LRBA: variants seen among roughly 807,000 people sequenced by gnomAD.
LRBA encodes LPS responsive beige-like anchor protein.
A neutral mutation model predicts 330.0 loss-of-function variants in LRBA; 176 were observed. That is an observed-to-expected ratio of 0.53 (90% CI 0.47 to 0.60). The LOEUF (loss-of-function observed/expected upper bound fraction) is 0.60, where lower values mean the gene tolerates loss of function less well. Among genes scored for constraint, LRBA ranks in the 20% least tolerant of loss-of-function variants. The pLI is 0.00. For synonymous variants in LRBA, 1,230 were observed against 1,193.0 expected (o/e 1.03, Z -0.64); for missense variants, 3,259 against 3,444.8 (o/e 0.95, Z 1.35).
At chr4:150,571,653 T>G (rs1212975908) in intron 40 of LRBA, among the ~76,000 whole-genome samples, 45 of 134,718 alleles carry the variant, frequency 3.3e-4, no homozygotes, top group African/African-American at 1.2e-3. Context: ...TTAGTTGTTT[T>G]TTTTTTTTTT....
At position 150,641,589 on chromosome 4, in the gene LRBA, T is replaced by C. The variant is rs1033351375; in HGVS notation, c.5921+41962A>G. Reference sequence around the variant, plus strand: ...TAAGGTTTCATTTGCCTATTTTCTTTTTTTTCTTTGCAGCAAAAAGATTAA... The same window carrying C: ...TAAGGTTTCATTTGCCTATTTTCTTCTTTTTCTTTGCAGCAAAAAGATTAA... On this transcript the variant is annotated intron_variant, in intron 37 of 56. Coordinates refer to ENST00000651943, the MANE Select transcript of LRBA (RefSeq NM_001364905.1). Among the ~76,000 whole-genome samples the C allele has an allele frequency of 2.6e-5, 4 of 152,174 alleles. No individual in the cohort carries two copies. In the South Asian group the frequency reaches 6.2e-4, roughly 24 times the overall value.
chr4:150,442,345 G>A (rs1431859473), intron 44 of LRBA, among the ~76,000 whole-genome samples: 1 of 152,166 alleles, frequency 6.6e-6, no homozygotes, highest in Non-Finnish European at 1.5e-5. Context: ...GCTTGAAAAT[G>A]CTTAAGCATA....
At chr4:150,625,030 T>G (rs947042177) in intron 37 of LRBA, among the ~76,000 whole-genome samples, 3 of 152,116 alleles carry the variant, frequency 2.0e-5, no homozygotes, top group African/African-American at 7.2e-5. Flanking sequence ...AACTAGAAAA[T>G]AGGTTTTTGG....
intron 37 of LRBA, among the ~76,000 whole-genome samples, chr4:150,655,185 T>C (rs1169014968): frequency 6.6e-6 from 1 of 152,210 alleles, no homozygotes. Context: ...TAGGTTAAAC[T>C]TTCCATTTTA....
At chr4:150,819,058 T>C (rs1745034255) in intron 30 of LRBA, among the ~76,000 whole-genome samples, 2 of 152,014 alleles carry the variant, frequency 1.3e-5, no homozygotes, top group South Asian at 4.1e-4. Context: ...GCTTCTAGAA[T>C]GGAATATTAT....
chr4:150,475,256 G>A (rs1371920524), intron 42 of LRBA, among the ~76,000 whole-genome samples: 1 of 152,116 alleles, frequency 6.6e-6, no homozygotes, highest in East Asian at 1.9e-4. Context: ...TTCCTGTAAT[G>A]TCTTTGTCTG....
At chr4:150,932,573 C>T (rs1371806662) in intron 2 of LRBA, among the ~76,000 whole-genome samples, 1 of 152,120 alleles carries the variant, frequency 6.6e-6, no homozygotes, top group Admixed American at 6.6e-5. Flanking sequence ...GAAACAGGTA[C>T]TGTCATACAT....
intron 2 of LRBA, 67 bp downstream of exon 2, chr4:151,014,360 A>C: frequency 7.5e-7 from 1 of 1,336,212 alleles, no homozygotes; most frequent in Admixed American, 1.9e-5. Flanking sequence ...ACATGGCTCC[A>C]GCTTTAAGAT....
At chr4:150,478,954 G>T (rs1340178727) in intron 42 of LRBA, among the ~76,000 whole-genome samples, 1 of 152,146 alleles carries the variant, frequency 6.6e-6, no homozygotes, top group Non-Finnish European at 1.5e-5. Context: ...TTGACACATT[G>T]TAAGTGAAAA....
At chr4:150,789,799 C>T (rs1739640080) in intron 34 of LRBA, among the ~76,000 whole-genome samples, 1 of 152,060 alleles carries the variant, frequency 6.6e-6, no homozygotes, top group Non-Finnish European at 1.5e-5. Context: ...AAAAAAAGTA[C>T]TAAGTAAAAG....
intron 4 of LRBA, 47 bp from the exon 5 acceptor site, chr4:150,921,340 A>AT (rs761701880): frequency 1.2e-5 from 14 of 1,173,818 alleles, no homozygotes; most frequent in Middle Eastern, 1.9e-4. Context: ...TTACCATAAG[A>AT]TAAAAAAAAC....
chr4:150,873,229 G>T (rs1028459681), intron 17 of LRBA, among the ~76,000 whole-genome samples: 2 of 152,036 alleles, frequency 1.3e-5, no homozygotes, highest in Admixed American at 1.3e-4. Flanking sequence ...TACAACCAAA[G>T]AACTGCTAAA....
At chr4:150,759,452 A>G (rs1382013686) in intron 35 of LRBA, among the ~76,000 whole-genome samples, 1 of 152,154 alleles carries the variant, frequency 6.6e-6, no homozygotes, top group Non-Finnish European at 1.5e-5. Flanking sequence ...GCTGTTCCCT[A>G]GGCCTGGAAT....
intron 37 of LRBA, among the ~76,000 whole-genome samples, chr4:150,650,277 A>G (rs769483837): frequency 5.9e-5 from 9 of 152,190 alleles, no homozygotes; most frequent in Non-Finnish European, 1.0e-4. Flanking sequence ...ATTAATATTA[A>G]CATGTGGACA....
rs546423440 is a variant in LRBA at position 150,323,613 on chromosome 4, C to T, written c.7452+2196G>A. 2.7e-3 allele frequency among the ~76,000 whole-genome samples: 409 copies of T among 152,308 alleles called. 1 individual carries two copies. The highest frequency in any genetic ancestry group is 5.7e-3 in the African/African-American group (238 of 41,578). On this transcript the variant is annotated intron_variant, in intron 49 of 56. Coordinates refer to ENST00000651943, the MANE Select transcript of LRBA (RefSeq NM_001364905.1). ...CATGTCCAGAAATGTCCACTGCCTT[C>T]GTACAAATATCTGTCCCTCTAGTCT... is the stretch of plus-strand genomic sequence containing the variant.
intron 40 of LRBA, among the ~76,000 whole-genome samples, chr4:150,505,163 A>G (rs531702915): frequency 1.4e-3 from 211 of 152,344 alleles, no homozygotes; most frequent in African/African-American, 4.8e-3. Context: ...AACATTAGAC[A>G]GATCAATGAG....
chr4:150,701,514 T>C (rs1785119217), intron 36 of LRBA, among the ~76,000 whole-genome samples: 1 of 152,176 alleles, frequency 6.6e-6, no homozygotes, highest in Non-Finnish European at 1.5e-5. Flanking sequence ...ATGGCTACAA[T>C]GTCAGTAGGC....
intron 36 of LRBA, among the ~76,000 whole-genome samples, chr4:150,701,039 C>G (rs1016817313): frequency 1.3e-5 from 2 of 152,122 alleles, no homozygotes; most frequent in Non-Finnish European, 2.9e-5. Flanking sequence ...TACACTGTGC[C>G]TGATCTATAA....
chr4:150,875,834 G>A (rs1436149917), intron 17 of LRBA, among the ~76,000 whole-genome samples: 2 of 152,224 alleles, frequency 1.3e-5, no homozygotes, highest in Non-Finnish European at 2.9e-5. Flanking sequence ...AAATCTGAGT[G>A]TGGTGACACC....
Sources: allele counts gnomAD v4.1 joint callset (sites outside exome capture counted in the v4.1 genomes callset), GRCh38; gene constraint gnomAD v4.1.1; transcripts MANE v1.5; gene names NCBI Gene and HGNC (gene_info 2026-07-23, HGNC 2026-07-21).